The following STAC variants were observed in gnomAD, a reference collection of about 807,000 sequenced individuals.
STAC encodes the protein SH3 and cysteine-rich domain-containing protein.
Under a neutral mutation model 48.8 loss-of-function variants are expected in STAC, and 43 were observed. That is an observed-to-expected ratio of 0.88 (90% CI 0.69 to 1.14). STAC has a LOEUF of 1.14. Among genes scored for constraint, STAC ranks in the 50% most tolerant of loss-of-function variants. The pLI is 0.00. For synonymous variants in STAC, 193 were observed against 179.5 expected, an observed-to-expected ratio of 1.07 and a Z score of -0.60; for missense variants, 497 against 504.0, an observed-to-expected ratio of 0.99 and a Z score of 0.13.
intron 4 of STAC, chr3:36,485,827 G>A (rs555169040): frequency 9.9e-6 from 2 of 202,190 alleles, no homozygotes; most frequent in Non-Finnish European, 2.0e-5. Flanking sequence ...CCTCCCAGTA[G>A]AGGAGATAAA....
At chr3:36,486,373 A>T (rs1575233380) in intron 5 of STAC, 124 bp downstream of exon 5, 2 of 767,220 alleles carry the variant, frequency 2.6e-6, no homozygotes, top group Non-Finnish European at 4.1e-6. Flanking sequence ...GGAGTCAGGC[A>T]CCTGCCAAAG....
At chr3:36,530,762 A>AT (rs907580277) in intron 10 of STAC, among the ~76,000 whole-genome samples, 3 of 151,220 alleles carry the variant, frequency 2.0e-5, no homozygotes, top group Non-Finnish European at 3.0e-5. Context: ...CGCCTGGCTA[A>AT]TTTTTTTATA....
At chr3:36,383,708 A>T (rs563916074) in intron 1 of STAC, among the ~76,000 whole-genome samples, 1 of 152,338 alleles carries the variant, frequency 6.6e-6, no homozygotes, top group South Asian at 2.1e-4. Flanking sequence ...CAGCATTCAA[A>T]GTTGTCCATG....
At chr3:36,489,281 A>C (rs777850439) in intron 5 of STAC, among the ~76,000 whole-genome samples, 7 of 152,218 alleles carry the variant, frequency 4.6e-5, no homozygotes, top group Non-Finnish European at 1.0e-4. Context: ...TGAATACTCA[A>C]GAAATGTGTG....
At position 36,431,620 on chromosome 3, in the gene STAC, C is replaced by T. The variant is rs140439575; in HGVS notation, c.112-11744C>T. 2.6e-5 allele frequency among the ~76,000 whole-genome samples: 4 copies of T among 152,280 alleles called. No individual in the cohort carries two copies. The East Asian group carries it at 7.7e-4, about 29-fold the overall frequency. ...TTCTTCATTCTCCCTGAAAAGGAGG[C>T]CTCTTGCCCAAAACATCAATGAGCA... is the stretch of plus-strand genomic sequence containing the variant. On this transcript the variant is annotated intron_variant, in intron 1 of 10. Coordinates refer to ENST00000273183, the MANE Select transcript of STAC (RefSeq NM_003149.3).
At chr3:36,389,388 A>C (rs1193114533) in intron 1 of STAC, among the ~76,000 whole-genome samples, 1 of 152,100 alleles carries the variant, frequency 6.6e-6, no homozygotes, top group African/African-American at 2.4e-5. Flanking sequence ...AGGCCTCTTT[A>C]TAAGGGCACT....
intron 1 of STAC, among the ~76,000 whole-genome samples, chr3:36,398,368 A>AAAAGAAAAG (rs1553631496): frequency 1.9e-5 from 2 of 102,880 alleles, no homozygotes; most frequent in South Asian, 3.2e-4. Context: ...AGAAAGAAAG[A>AAAAGAAAAG]AAAGAAAGAG....
At chr3:36,480,522 C>G (rs149629809) in intron 2 of STAC, among the ~76,000 whole-genome samples, 2 of 152,088 alleles carry the variant, frequency 1.3e-5, no homozygotes, top group Non-Finnish European at 2.9e-5. Flanking sequence ...TTCTTACCCC[C>G]CCTTATTTTA....
chr3:36,532,592 A>G (rs546057250), intron 10 of STAC, among the ~76,000 whole-genome samples: 7 of 152,286 alleles, frequency 4.6e-5, no homozygotes, highest in South Asian at 2.1e-4. Context: ...GCATCTGCCT[A>G]TAAAGAGCAG....
At chr3:36,410,242 G>A (rs560968534) in intron 1 of STAC, among the ~76,000 whole-genome samples, 2 of 152,288 alleles carry the variant, frequency 1.3e-5, no homozygotes, top group South Asian at 2.1e-4. Context: ...TTACTAGTGT[G>A]TGTTCGCCTG....
chr3:36,437,081 A>G (rs1419735042), intron 1 of STAC, among the ~76,000 whole-genome samples: 3 of 152,072 alleles, frequency 2.0e-5, no homozygotes, highest in African/African-American at 7.2e-5. Context: ...ATGAGATACC[A>G]TCTCACACCA....
At chr3:36,405,007 A>G (rs905202596) in intron 1 of STAC, among the ~76,000 whole-genome samples, 3 of 152,156 alleles carry the variant, frequency 2.0e-5, no homozygotes, top group Admixed American at 6.5e-5. Flanking sequence ...GTGCCATCCT[A>G]ATATATTATC....
At chr3:36,447,673 AC>A (rs1696549175) in intron 2 of STAC, among the ~76,000 whole-genome samples, 1 of 151,986 alleles carries the variant, frequency 6.6e-6, no homozygotes, top group Non-Finnish European at 1.5e-5. Context: ...ACACACACAC[AC>A]ACACACACAC....
intron 1 of STAC, among the ~76,000 whole-genome samples, chr3:36,438,172 G>T (rs1438979558): frequency 6.6e-6 from 1 of 152,070 alleles, no homozygotes; most frequent in Non-Finnish European, 1.5e-5. Flanking sequence ...CCCAACCTCA[G>T]GTGATCCGCC....
chr3:36,482,968 CAA>C, intron 2 of STAC, 22 bp from the exon 3 acceptor site: 1 of 1,587,318 alleles, frequency 6.3e-7, no homozygotes, highest in Non-Finnish European at 8.6e-7. Context: ...GTATCCTAAC[CAA>C]AGTTTGCCAT....
At chr3:36,417,878 T>C (rs1575185576) in intron 1 of STAC, among the ~76,000 whole-genome samples, 1 of 152,254 alleles carries the variant, frequency 6.6e-6, no homozygotes, top group East Asian at 1.9e-4. Context: ...TTTTCTTTGA[T>C]GTTTAAGCTA....
chr3:36,499,500 G>A (rs1645835011), intron 6 of STAC, among the ~76,000 whole-genome samples: 1 of 151,912 alleles, frequency 6.6e-6, no homozygotes, highest in Non-Finnish European at 1.5e-5. Context: ...ACTGAAAGAT[G>A]AGAAGGAGAA....
chr3:36,400,787 G>A (rs1699985890), intron 1 of STAC, among the ~76,000 whole-genome samples: 1 of 152,186 alleles, frequency 6.6e-6, no homozygotes, highest in East Asian at 1.9e-4. Context: ...CTGAGTGCCT[G>A]TGATATCCAT....
At chr3:36,480,214 T>G (rs915797688) in intron 2 of STAC, among the ~76,000 whole-genome samples, 3 of 152,216 alleles carry the variant, frequency 2.0e-5, no homozygotes, top group Non-Finnish European at 2.9e-5. Flanking sequence ...GAAAAGTAAG[T>G]AATTGCTTTC....
Sources: gnomAD v4.1 joint callset for allele counts (sites outside exome capture counted in the v4.1 genomes callset) on GRCh38, gnomAD v4.1.1 for gene constraint, MANE v1.5 for transcripts, NCBI Gene and HGNC (gene_info 2026-07-23, HGNC 2026-07-21) for gene names.